The following HELZ2 variants were observed in gnomAD, a reference collection of about 807,000 sequenced individuals.
HELZ2 encodes helicase with zinc finger 2, also known as 3'-5' exoribonuclease HELZ2.
Under a neutral mutation model 208.8 loss-of-function variants are expected in HELZ2, and 143 were observed. The ratio of observed to expected loss-of-function variants is 0.68; its 90% CI spans 0.60 to 0.79. The LOEUF is 0.79. Ranked by LOEUF, HELZ2 falls within the 30% of genes least tolerant of loss-of-function variation. The pLI is 0.00. For missense variants in HELZ2, 3,690 were observed against 3,794.5 expected (o/e 0.97, Z 0.72); for synonymous variants, 1,705 against 1,693.7 (o/e 1.01, Z -0.16).
At chr20:63,561,241 G>A (rs561435122) in exon 14 of HELZ2, 21 of 1,612,582 alleles carry the variant, frequency 1.3e-5, no homozygotes, top group East Asian at 2.2e-5. Context: ...GGTCCAGCTC[G>A]AACTTCCGAG....
At chr20:63,570,535 T>C in exon 3 of HELZ2, 1 of 1,613,426 alleles carries the variant, frequency 6.2e-7, no homozygotes, top group Non-Finnish European at 8.5e-7. Context: ...CCAGCTGTAC[T>C]GGGTCTTCCT....
rs150429222 is a variant in HELZ2, at chr20:63,560,270, C to T, written c.7558G>A (p.Val2520Ile). Residue 2520 changes from valine (V) to isoleucine (I), a missense_variant, in exon 17 of 19, where the codon GTC (valine) becomes ATC (isoleucine). This residue lies in a region of HELZ2 where 2,564 missense variants were observed against 2,580.5 expected (regional missense o/e 0.99). Transcript: ENST00000467148. ...GCCTGCGCGTTGTAGGGCGTGAGGACGGCGATGTCCTGGGGCTCTACGGTC... is the reference window on the plus strand; with the variant it reads ...GCCTGCGCGTTGTAGGGCGTGAGGATGGCGATGTCCTGGGGCTCTACGGTC... 8.7e-4 allele frequency: 1,363 copies of T among 1,562,616 alleles called. 1 individual carries two copies. Among genetic ancestry groups the T allele is most frequent in the Non-Finnish European group, 1.1e-3 (1,319 of 1,158,258 alleles).
intron 6 of HELZ2, 34 bp downstream of exon 7, chr20:63,566,810 C>T (rs142958047): frequency 0.024 from 37,066 of 1,543,208 alleles, 567 homozygotes; most frequent in Middle Eastern, 0.037. Flanking sequence ...AGCAGGGGTG[C>T]GGTCGGGGGC....
In HELZ2 at chr20:63,560,474, C is replaced by G. The variant is rs1404759400; in HGVS notation, c.7500+5G>C. The G allele has an allele frequency of 6.2e-7, 1 of 1,609,292 alleles. No homozygotes were observed. The highest frequency in any genetic ancestry group is 1.1e-5 in the South Asian group (1 of 91,078). ...CTCCCTGACTCACAGGCACCAGACA[C>G]TCACCACCTCAGCCACCTCCTCCAG... On this transcript the variant is annotated splice_donor_5th_base_variant and intron_variant, in intron 16 of 18. Coordinates refer to ENST00000467148, the Ensembl canonical transcript of HELZ2.
chr20:63,566,470 G>A lies in HELZ2; in HGVS notation c.2515-17C>T. 2 of 1,546,952 alleles carry A rather than the reference G, an allele frequency of 1.3e-6. No individual in the cohort carries two copies. The highest frequency in any genetic ancestry group is 1.7e-6 in the Non-Finnish European group (2 of 1,145,786). ...TGCACTGACCTGAAGACGCAGCAGG[G>A]CCGGGGATGAGTGCTGGACGCAGTG... On this transcript the variant is annotated splice_polypyrimidine_tract_variant and intron_variant, in intron 6 of 18. Coordinates refer to ENST00000467148, the Ensembl canonical transcript of HELZ2.
chr20:63,565,492 G>A lies in HELZ2; in HGVS notation c.3330C>T (p.Tyr1110=), dbSNP rs569772174. The A allele has an allele frequency of 6.7e-5, 108 of 1,606,752 alleles. No homozygotes were observed. In the East Asian group the frequency reaches 7.1e-4, roughly 11 times the overall value. The change falls in exon 8 of 19, where the codon TAC becomes TAT. Residue 1110 remains tyrosine (Y), a synonymous_variant. Coordinates refer to ENST00000467148, the Ensembl canonical transcript of HELZ2. ...GTAGCGCAGCCGGGGGCAGGTTCTC[G>A]TACAGCCGGGCCTGCTGCAGGGACT...
Position 63,560,039 on chromosome 20 carries a change from G to A in HELZ2, c.7714C>T (p.Leu2572=), listed in dbSNP as rs367998415. 4.3e-6 allele frequency: 7 copies of A among 1,610,938 alleles called. No homozygotes were observed. In the African/African-American group the frequency reaches 9.3e-5, roughly 22 times the overall value. The change falls in exon 18 of 19, where the codon CTG becomes TTG. Residue 2572 remains leucine, a synonymous_variant. Coordinates refer to ENST00000467148, the Ensembl canonical transcript of HELZ2. ...CAGCTCTTGGTGGGCCGCTGGTCCA[G>A]GTCGCTCTTGGCACAGGTGCGGACG...
exon 8 of HELZ2, chr20:63,564,762 C>T (rs1467458939): frequency 4.3e-6 from 7 of 1,611,990 alleles, no homozygotes; most frequent in East Asian, 2.2e-5. Context: ...AGGGCATCAT[C>T]GAGGTTGCAG....
At chr20:63,569,090 G>A (rs987946115) in intron 4 of HELZ2, 58 bp downstream of exon 5, 38 of 1,583,690 alleles carry the variant, frequency 2.4e-5, no homozygotes, top group South Asian at 1.0e-4. Context: ...TGCCCCAGCC[G>A]CTCCCATTGC....
chr20:63,563,791 C>T lies in HELZ2; in HGVS notation c.5031G>A (p.Arg1677=), dbSNP rs1442651249. 2.5e-6 allele frequency: 4 copies of T among 1,603,774 alleles called. No individual in the cohort carries two copies. The South Asian group carries it at 4.4e-5, about 18-fold the overall frequency. ...GCCGCTGCAACACCACGTCCAGGTACCTGCGGATGGGCGAGGTGGCCCACG... is the reference window on the plus strand; with the variant it reads ...GCCGCTGCAACACCACGTCCAGGTATCTGCGGATGGGCGAGGTGGCCCACG... Residue 1677 remains arginine (R), a synonymous_variant, in exon 8 of 19, where the codon AGG becomes AGA. Transcript: ENST00000467148.
chr20:63,561,334 G>A lies in HELZ2; in HGVS notation c.6953+16C>T, dbSNP rs1372929502. The A allele has an allele frequency of 6.2e-7, 1 of 1,612,542 alleles. No homozygotes were observed. Among genetic ancestry groups the A allele is most frequent in the Non-Finnish European group, 8.5e-7 (1 of 1,179,786 alleles). ...CATGCTGCAGGCAGCTCCACCCCCT[G>A]GCCCCTGCCACTTACCAGACCAGGT... is the stretch of plus-strand genomic sequence containing the variant. On this transcript the variant is annotated intron_variant, in intron 13 of 18. Coordinates refer to ENST00000467148, the Ensembl canonical transcript of HELZ2.
At chr20:63,567,022 G>A (rs1255353904) in exon 6 of HELZ2, 4 of 1,611,220 alleles carry the variant, frequency 2.5e-6, no homozygotes, top group Non-Finnish European at 2.5e-6. Flanking sequence ...GAACATGAGC[G>A]GGTAGTGCCG....
At position 63,565,595 on chromosome 20, in the gene HELZ2, C is replaced by T. The variant is rs756435414; in HGVS notation, c.3227G>A (p.Arg1076Gln). Residue 1076 changes from arginine to glutamine, a missense_variant, in exon 8 of 19, where the codon CGG becomes CAG. Arg to Gln is a conservative substitution (Grantham distance 43). Transcript: ENST00000467148. ...CTTCTGGCTCTCGTCCAGAAGCTCCCGTAGGATGGCGTCGTCAGCGTTGAG... is the reference window on the plus strand; with the variant it reads ...CTTCTGGCTCTCGTCCAGAAGCTCCTGTAGGATGGCGTCGTCAGCGTTGAG... The T allele has an allele frequency of 3.1e-5, 50 of 1,609,662 alleles. No individual in the cohort carries two copies. Among genetic ancestry groups the T allele is most frequent in the East Asian group, 4.5e-5 (2 of 44,872 alleles).
chr20:63,568,319 G>C, intron 5 of HELZ2, 39 bp downstream of exon 6: 1 of 1,481,480 alleles, frequency 6.8e-7, no homozygotes, highest in East Asian at 2.3e-5. Context: ...CTTGGGCCGG[G>C]CGTCAGGTGA....
Position 63,559,527 on chromosome 20 carries a change from AGTCAGGTGGGAGGAGTCAGG to A in HELZ2, c.7826-177_7826-158del, listed in dbSNP as rs1292700091. On this transcript the variant is annotated intron_variant, in intron 18 of 18. Transcript: ENST00000467148. ...TCAGGGTCAGATGGGAGTCAGTCAG[AGTCAGGTGGGAGGAGTCAGG>A]GTCAGGTGGGAGGAGTCAGGGTCAG... is the stretch of plus-strand genomic sequence containing the variant. Among the ~76,000 whole-genome samples the A allele has an allele frequency of 7.1e-4, 14 of 19,844 alleles. No homozygotes were observed. In the South Asian group the frequency reaches 0.011, roughly 16 times the overall value. The allele number at this position is 19,844 out of a possible 152,430, so 13.0% of individuals were successfully genotyped here. A position where few individuals can be genotyped will look rare whatever the true frequency, so the allele number is the denominator to read the frequency against.
At chr20:63,572,507 A>C, upstream of HELZ2, 7 of 1,097,274 alleles carry the variant, frequency 6.4e-6, no homozygotes, top group Non-Finnish European at 8.8e-6. Flanking sequence ...CACCACCACA[A>C]ACTGTTGCTT....
chr20:63,564,555 C>A (rs748872348), exon 8 of HELZ2: 5 of 1,568,930 alleles, frequency 3.2e-6, no homozygotes, highest in Non-Finnish European at 4.3e-6. Flanking sequence ...GCCAGGCGGT[C>A]CCGGCCAGGC....
chr20:63,564,660 C>T, exon 8 of HELZ2: 1 of 1,576,646 alleles, frequency 6.3e-7, no homozygotes, highest in East Asian at 2.3e-5. Context: ...CTTCGCGCCT[C>T]CACGTCCAGC....
chr20:63,569,723 G>A, intron 3 of HELZ2, 58 bp from the exon 5 acceptor site: 14 of 1,443,728 alleles, frequency 9.7e-6, no homozygotes, highest in Non-Finnish European at 1.3e-5. Context: ...CCTCCCGAGA[G>A]GCAGCCTGGC....
Sources: gnomAD v4.1 joint callset for allele counts (sites outside exome capture counted in the v4.1 genomes callset) on GRCh38, gnomAD v4.1.1 for gene constraint, gnomAD v4.1.1 regional missense constraint, MANE v1.5 for transcripts, NCBI Gene and HGNC (gene_info 2026-07-23, HGNC 2026-07-21) for gene names.